Variants in ANKFN1 observed in about 807,000 individuals in gnomAD.
ANKFN1 encodes the protein ankyrin repeat and fibronectin type-III domain-containing protein 1.
In ANKFN1, 74 loss-of-function variants were observed where a neutral mutation model predicts 108.7. The observed-to-expected ratio is 0.68, with a 90% CI of 0.56 to 0.83. The LOEUF (loss-of-function observed/expected upper bound fraction) is 0.83, where lower values mean the gene tolerates loss of function less well. Ranked by LOEUF, ANKFN1 falls within the 40% of genes least tolerant of loss-of-function variation. The probability of loss-of-function intolerance (pLI) is 0.00; values close to 1 mark genes in which losing one functional copy is unlikely to be tolerated. For synonymous variants in ANKFN1, 547 were observed against 516.2 expected, an observed-to-expected ratio of 1.06 and a Z score of -0.81; for missense variants, 1,505 against 1,382.3, an observed-to-expected ratio of 1.09 and a Z score of -1.41.
Position 56,272,007 on chromosome 17 carries a change from G to T in ANKFN1, c.53+44050G>T, listed in dbSNP as rs148924311. 9.9e-5 allele frequency among the ~76,000 whole-genome samples: 15 copies of T among 152,190 alleles called. No individual in the cohort carries two copies. The East Asian group carries it at 2.9e-3, about 29-fold the overall frequency. ...TGTTGTTACTGGAGAGACTACAGTC[G>T]CAAACATTCTAATTATAATGAGCCC... On this transcript the variant is annotated intron_variant, in intron 3 of 20. Coordinates refer to ENST00000682825, the MANE Select transcript of ANKFN1 (RefSeq NM_001370326.1).
chr17:56,472,229 C>T (rs952017126), intron 15 of ANKFN1: 1 of 151,990 alleles, frequency 6.6e-6, no homozygotes, highest in African/African-American at 2.4e-5. Flanking sequence ...TTGGTAAAGT[C>T]TTTTTATTTT....
chr17:56,312,743 G>A (rs886146052), intron 3 of ANKFN1, among the ~76,000 whole-genome samples: 1 of 152,194 alleles, frequency 6.6e-6, no homozygotes, highest in Non-Finnish European at 1.5e-5. Flanking sequence ...AAACCTTGGG[G>A]TATTATAGTG....
At chr17:56,486,543 C>T (rs1332259498) in intron 18 of ANKFN1, among the ~76,000 whole-genome samples, 1 of 152,146 alleles carries the variant, frequency 6.6e-6, no homozygotes, top group Non-Finnish European at 1.5e-5. Flanking sequence ...AGGCATCTGG[C>T]CACTAAGCAT....
intron 8 of ANKFN1, among the ~76,000 whole-genome samples, chr17:56,402,995 T>C (rs2047808975): frequency 6.6e-6 from 1 of 152,158 alleles, no homozygotes; most frequent in Non-Finnish European, 1.5e-5. Flanking sequence ...TGCCATGTAT[T>C]TGCATGGTTT....
chr17:56,399,700 C>A (rs892186336), intron 8 of ANKFN1, among the ~76,000 whole-genome samples: 9 of 151,862 alleles, frequency 5.9e-5, no homozygotes, highest in African/African-American at 1.7e-4. Context: ...GATAGCTTTG[C>A]TCCCACTTAT....
chr17:56,160,238 T>C (rs781280799), intron 1 of ANKFN1, among the ~76,000 whole-genome samples: 1 of 152,192 alleles, frequency 6.6e-6, no homozygotes, highest in African/African-American at 2.4e-5. Context: ...TGATTGATGG[T>C]AAACTTTCAG....
At chr17:56,118,459 ACTTATAT>A (rs1441291729) in intron 4 of ANKFN1, among the ~76,000 whole-genome samples, 2 of 152,194 alleles carry the variant, frequency 1.3e-5, no homozygotes, top group African/African-American at 4.8e-5. Context: ...AAATGGGTAC[ACTTATAT>A]CTTAGAATCT....
intron 3 of ANKFN1, among the ~76,000 whole-genome samples, chr17:56,259,795 C>G (rs1461736391): frequency 6.6e-6 from 1 of 151,952 alleles, no homozygotes; most frequent in Non-Finnish European, 1.5e-5. Context: ...AATATATAAA[C>G]AGTTTCAAGT....
At position 56,189,170 on chromosome 17, in the gene ANKFN1, C is replaced by CTTTTTTTTTTTTTTT. The variant is rs532063852; in HGVS notation, c.-70-23424_-70-23410dup. Among the ~76,000 whole-genome samples the CTTTTTTTTTTTTTTT allele has an allele frequency of 2.2e-4, 19 of 85,266 alleles. 2 individuals carry two copies. Among genetic ancestry groups the CTTTTTTTTTTTTTTT allele is most frequent in the African/African-American group, 1.1e-3 (16 of 14,762 alleles). 55.9% of individuals were successfully genotyped at this position (85,266 alleles called of 152,430 possible). A position where few individuals can be genotyped will look rare whatever the true frequency, so the allele number is the denominator to read the frequency against. ...CCTAAGTAAGTAAATGTTGCCCTGACTTTTTTTTTTTTTTTTTTGAGACGG... is the reference window on the plus strand; with the variant it reads ...CCTAAGTAAGTAAATGTTGCCCTGACTTTTTTTTTTTTTTTTTTTTTTTTTTTTTTTTTGAGACGG... On this transcript the variant is annotated intron_variant, in intron 1 of 20. Coordinates refer to ENST00000682825, the MANE Select transcript of ANKFN1 (RefSeq NM_001370326.1).
intron 4 of ANKFN1, among the ~76,000 whole-genome samples, chr17:56,136,959 A>G (rs1327638046): frequency 6.6e-6 from 1 of 152,208 alleles, no homozygotes; most frequent in Non-Finnish European, 1.5e-5. Context: ...CTTCATACAT[A>G]CAAACAGACA....
Position 56,514,757 on chromosome 17 carries a change from C to T in ANKFN1, c.*3488C>T, listed in dbSNP as rs972785137. ...CGCCAGTCCTCTTTCCTGAAGGATC[C>T]CAAAGCACTTTATGAAAAGCAATGA... On this transcript the variant is annotated 3_prime_UTR_variant, in exon 21 of 21. Coordinates refer to ENST00000682825, the MANE Select transcript of ANKFN1 (RefSeq NM_001370326.1). 3.7e-4 allele frequency among the ~76,000 whole-genome samples: 56 copies of T among 152,066 alleles called. No homozygotes were observed. Among genetic ancestry groups the T allele is most frequent in the African/African-American group, 1.3e-3 (54 of 41,420 alleles).
At chr17:56,388,786 C>G (rs1486899074) in intron 8 of ANKFN1, among the ~76,000 whole-genome samples, 1 of 152,152 alleles carries the variant, frequency 6.6e-6, no homozygotes, top group African/African-American at 2.4e-5. Flanking sequence ...GTATTCTCTA[C>G]TCCTGTTCCA....
intron 4 of ANKFN1, among the ~76,000 whole-genome samples, chr17:56,131,665 C>T (rs531016742): frequency 1.1e-4 from 16 of 152,184 alleles, no homozygotes; most frequent in African/African-American, 1.9e-4. Context: ...AAGAATTCAC[C>T]GCAGTGTGGT....
intron 14 of ANKFN1, among the ~76,000 whole-genome samples, 191 bp downstream of exon 14, chr17:56,458,170 C>T (rs1469265276): frequency 1.3e-5 from 2 of 152,048 alleles, no homozygotes; most frequent in African/African-American, 4.8e-5. Context: ...GAAACCTGTA[C>T]CTTTAGCAGT....
intron 8 of ANKFN1, among the ~76,000 whole-genome samples, chr17:56,385,952 C>A (rs998852222): frequency 6.6e-6 from 1 of 152,030 alleles, no homozygotes; most frequent in Non-Finnish European, 1.5e-5. Context: ...GCCATTTGAC[C>A]CAGCCATCCC....
Position 56,466,576 on chromosome 17 carries a change from G to A in ANKFN1, c.1773+5G>A. ...ATTCTACTGATAACCATCCAGGTAT[G>A]TAGTTTTTTTCTTAATTCCCGGGTA... is the stretch of plus-strand genomic sequence containing the variant. On this transcript the variant is annotated splice_donor_5th_base_variant and intron_variant, in intron 15 of 20. Coordinates refer to ENST00000682825, the MANE Select transcript of ANKFN1 (RefSeq NM_001370326.1). 6.3e-7 allele frequency: 1 copy of A among 1,597,146 alleles called. No homozygotes were observed. Among genetic ancestry groups the A allele is most frequent in the Admixed American group, 1.7e-5 (1 of 58,080 alleles).
At chr17:56,324,885 C>T (rs2045472260) in intron 3 of ANKFN1, among the ~76,000 whole-genome samples, 2 of 152,330 alleles carry the variant, frequency 1.3e-5, no homozygotes, top group African/African-American at 2.4e-5. Context: ...AGTCACTGAG[C>T]CCTGCCTCAG....
At chr17:56,433,121 T>TA (rs1445103202) in intron 8 of ANKFN1, among the ~76,000 whole-genome samples, 5 of 152,142 alleles carry the variant, frequency 3.3e-5, no homozygotes, top group African/African-American at 1.2e-4. Flanking sequence ...CAAATAATAA[T>TA]AAAACACACA....
chr17:56,249,676 C>T (rs1003657345), intron 3 of ANKFN1, among the ~76,000 whole-genome samples: 5 of 152,110 alleles, frequency 3.3e-5, no homozygotes, highest in African/African-American at 1.2e-4. Flanking sequence ...TGTATTGTCC[C>T]AGGGATGCTG....
Sources: allele counts gnomAD v4.1 joint callset (sites outside exome capture counted in the v4.1 genomes callset), GRCh38; gene constraint gnomAD v4.1.1; transcripts MANE v1.5; gene names NCBI Gene and HGNC (gene_info 2026-07-23, HGNC 2026-07-21).